Variants in SLC35F1 observed in about 807,000 individuals in gnomAD.
SLC35F1 encodes solute carrier family 35 member F1.
In SLC35F1, 14 loss-of-function variants were observed where a neutral mutation model predicts 48.7. The observed-to-expected ratio is 0.29, with a 90% CI of 0.19 to 0.45. The LOEUF is 0.45. Among genes scored for constraint, SLC35F1 ranks in the 20% least tolerant of loss-of-function variants. SLC35F1 has a pLI of 1.00. For missense variants in SLC35F1, 404 were observed against 500.0 expected (o/e 0.81, Z 1.83); for synonymous variants, 190 against 202.2 (o/e 0.94, Z 0.51).
chr6:118,213,150 C>G (rs1775029228), intron 2 of SLC35F1, among the ~76,000 whole-genome samples: 1 of 152,168 alleles, frequency 6.6e-6, no homozygotes, highest in Admixed American at 6.5e-5. Flanking sequence ...CAGCTCTACA[C>G]CTCTTCCTCT....
Position 118,297,694 on chromosome 6 carries a change from TA to T in SLC35F1, c.1002+12357del, listed in dbSNP as rs1425194515. On this transcript the variant is annotated intron_variant, in intron 7 of 7. Transcript: ENST00000360388. ...TATAAGTTCTGAGAAATATATATTATATATATAAGTTCTGAGAAATATATAT... is the reference window on the plus strand; with the variant it reads ...TATAAGTTCTGAGAAATATATATTATTATATAAGTTCTGAGAAATATATAT... Among the ~76,000 whole-genome samples the T allele has an allele frequency of 4.2e-3, 487 of 116,264 alleles. 2 individuals carry two copies. The highest frequency in any genetic ancestry group is 6.4e-3 in the South Asian group (25 of 3,888). 76.3% of individuals were successfully genotyped at this position (116,264 alleles called of 152,430 possible). A position where few individuals can be genotyped will look rare whatever the true frequency, so the allele number is the denominator to read the frequency against.
At chr6:118,233,931 C>T (rs913469415) in intron 2 of SLC35F1, among the ~76,000 whole-genome samples, 1 of 152,238 alleles carries the variant, frequency 6.6e-6, no homozygotes, top group Non-Finnish European at 1.5e-5. Context: ...TCAAGAGACC[C>T]TTCTCTCCTA....
chr6:118,286,120 A>G (rs1776046135), intron 7 of SLC35F1, among the ~76,000 whole-genome samples: 1 of 152,210 alleles, frequency 6.6e-6, no homozygotes, highest in South Asian at 2.1e-4. Flanking sequence ...GTAAGACAAG[A>G]GTCAACAGGG....
chr6:118,024,519 T>C (rs1777438453), intron 1 of SLC35F1, among the ~76,000 whole-genome samples: 1 of 152,160 alleles, frequency 6.6e-6, no homozygotes, highest in African/African-American at 2.4e-5. Flanking sequence ...GTCCCTTCAC[T>C]TGGAAGAGAG....
intron 3 of SLC35F1, among the ~76,000 whole-genome samples, chr6:118,261,218 A>G (rs1272836984): frequency 6.6e-6 from 1 of 152,222 alleles, no homozygotes; most frequent in African/African-American, 2.4e-5. Context: ...CTGTGGTGTG[A>G]TACCTTAGTA....
chr6:118,293,495 C>T (rs935474419), intron 7 of SLC35F1, among the ~76,000 whole-genome samples: 3 of 152,214 alleles, frequency 2.0e-5, no homozygotes, highest in Admixed American at 6.5e-5. Flanking sequence ...ATAATATCCT[C>T]ACCTCAAAAT....
At chr6:118,292,665 GCC>G (rs921682863) in intron 7 of SLC35F1, among the ~76,000 whole-genome samples, 6 of 149,132 alleles carry the variant, frequency 4.0e-5, no homozygotes, top group African/African-American at 1.5e-4. Flanking sequence ...AAGCTCGCCT[GCC>G]TAACATTGAT....
chr6:118,174,464 T>C (rs1257495036), intron 2 of SLC35F1, among the ~76,000 whole-genome samples: 1 of 151,906 alleles, frequency 6.6e-6, no homozygotes, highest in African/African-American at 2.4e-5. Flanking sequence ...AGAATCTGAA[T>C]TAGATGGCAG....
intron 1 of SLC35F1, among the ~76,000 whole-genome samples, chr6:118,062,002 A>G (rs1019109736): frequency 2.6e-5 from 4 of 152,128 alleles, no homozygotes; most frequent in African/African-American, 9.7e-5. Context: ...CCCTGGCTTA[A>G]ACCATAGTTG....
At chr6:118,028,974 G>T (rs1772000162) in intron 1 of SLC35F1, among the ~76,000 whole-genome samples, 1 of 151,946 alleles carries the variant, frequency 6.6e-6, no homozygotes, top group Non-Finnish European at 1.5e-5. Flanking sequence ...AAAAGTGAAA[G>T]AAGAAAAGTA....
intron 2 of SLC35F1, among the ~76,000 whole-genome samples, chr6:118,155,775 A>G (rs1774131324): frequency 6.6e-6 from 1 of 152,232 alleles, no homozygotes; most frequent in African/African-American, 2.4e-5. Flanking sequence ...TCATTAATAC[A>G]TTTGGAGACC....
At chr6:118,013,279 G>A (rs1171007545) in intron 1 of SLC35F1, among the ~76,000 whole-genome samples, 1 of 152,162 alleles carries the variant, frequency 6.6e-6, no homozygotes, top group Non-Finnish European at 1.5e-5. Context: ...CCAGTTTTCT[G>A]TGTATATGAC....
chr6:118,083,834 T>C (rs1772946833), intron 1 of SLC35F1, among the ~76,000 whole-genome samples: 1 of 152,242 alleles, frequency 6.6e-6, no homozygotes, highest in Admixed American at 6.5e-5. Flanking sequence ...TGAAAGACTT[T>C]TCTCAGCTTC....
chr6:118,262,020 G>C (rs570232412), intron 3 of SLC35F1, among the ~76,000 whole-genome samples: 49 of 152,212 alleles, frequency 3.2e-4, no homozygotes, highest in Admixed American at 4.6e-4. Context: ...TGTAAAACCG[G>C]GATACAATTG....
At chr6:118,125,810 T>C (rs991305798) in intron 1 of SLC35F1, among the ~76,000 whole-genome samples, 8 of 152,228 alleles carry the variant, frequency 5.3e-5, no homozygotes, top group Non-Finnish European at 1.2e-4. Context: ...ATTTAATATG[T>C]GACCTCATTG....
chr6:118,022,747 A>ATTTTT (rs34879607), intron 1 of SLC35F1, among the ~76,000 whole-genome samples: 19 of 120,628 alleles, frequency 1.6e-4, no homozygotes, highest in African/African-American at 5.1e-4. Context: ...AGCTTGGACA[A>ATTTTT]TTTTTTTTTT....
At chr6:118,097,338 C>A (rs1582664730) in intron 1 of SLC35F1, among the ~76,000 whole-genome samples, 1 of 152,216 alleles carries the variant, frequency 6.6e-6, no homozygotes, top group Non-Finnish European at 1.5e-5. Context: ...GAATGAATGT[C>A]TGCTTCCAAA....
intron 7 of SLC35F1, 85 bp from the exon 8 acceptor site, chr6:118,313,943 C>A: frequency 3.2e-6 from 4 of 1,237,994 alleles, no homozygotes; most frequent in Admixed American, 1.8e-5. Flanking sequence ...GAAGAAGCAG[C>A]TCTGCTCATG....
intron 1 of SLC35F1, among the ~76,000 whole-genome samples, chr6:117,977,967 T>A (rs768325798): frequency 9.9e-5 from 15 of 152,198 alleles, no homozygotes; most frequent in Non-Finnish European, 2.1e-4. Flanking sequence ...ATTTTTATGT[T>A]AATTTGGGAG....
Sources: allele counts gnomAD v4.1 joint callset (sites outside exome capture counted in the v4.1 genomes callset), GRCh38; gene constraint gnomAD v4.1.1; transcripts MANE v1.5; gene names NCBI Gene and HGNC (gene_info 2026-07-23, HGNC 2026-07-21).